The following USH2A variants were observed in gnomAD, a reference collection of about 807,000 sequenced individuals.
The protein encoded by USH2A is usherin.
A neutral mutation model predicts 538.9 loss-of-function variants in USH2A; 443 were observed. The ratio of observed to expected loss-of-function variants is 0.82; its 90% CI spans 0.76 to 0.89. The LOEUF (loss-of-function observed/expected upper bound fraction) is 0.89. USH2A is among the 40% of genes least tolerant of loss of function. The pLI is 0.00. For synonymous variants in USH2A, 2,413 were observed against 2,273.5 expected, an observed-to-expected ratio of 1.06 and a Z score of -1.75; for missense variants, 6,633 against 6,324.8, an observed-to-expected ratio of 1.05 and a Z score of -1.65.
chr1:215,920,094 T>G lies in USH2A; in HGVS notation c.7300+14522A>C, dbSNP rs552033196. Among the ~76,000 whole-genome samples, 549 of 148,564 alleles carry G rather than the reference T, an allele frequency of 3.7e-3. 20 individuals are homozygous for G. The East Asian group carries it at 0.064, about 17-fold the overall frequency. ...CTTCTTTGATAAATGAGAAAAAAAA[T>G]GTACATTTCAATTTCCTCAATGCTA... On this transcript the variant is annotated intron_variant, in intron 38 of 71. Transcript: ENST00000307340.
At chr1:216,005,678 A>C (rs2102487476) in intron 32 of USH2A, among the ~76,000 whole-genome samples, 1 of 152,284 alleles carries the variant, frequency 6.6e-6, no homozygotes, top group South Asian at 2.1e-4. Flanking sequence ...TGTAAGACAA[A>C]GGAGATTTAC....
chr1:215,627,485 T>TTTCCTTCCTTCCTTCC (rs1462172191), intron 71 of USH2A, among the ~76,000 whole-genome samples: 2 of 94,508 alleles, frequency 2.1e-5, no homozygotes, highest in Admixed American at 1.0e-4. Flanking sequence ...TCCTTCCTTC[T>TTTCCTTCCTTCCTTCC]TTCCTTCCTT....
intron 61 of USH2A, among the ~76,000 whole-genome samples, chr1:215,704,493 T>C (rs1421820157): frequency 6.6e-6 from 1 of 152,148 alleles, no homozygotes; most frequent in African/African-American, 2.4e-5. Context: ...GCTCTAACTT[T>C]CCTAATTTAA....
At chr1:216,062,740 G>C (rs1306822544) in intron 30 of USH2A, among the ~76,000 whole-genome samples, 2 of 152,134 alleles carry the variant, frequency 1.3e-5, no homozygotes, top group Non-Finnish European at 2.9e-5. Context: ...TACAAGCCGT[G>C]TTCTGAACTA....
At chr1:216,368,113 C>T (rs895940926) in intron 3 of USH2A, among the ~76,000 whole-genome samples, 1 of 152,042 alleles carries the variant, frequency 6.6e-6, no homozygotes, top group Non-Finnish European at 1.5e-5. Flanking sequence ...TCTTCATTCT[C>T]TTCAGTTTCA....
Position 215,680,353 on chromosome 1 carries a change from C to A in USH2A, c.12090G>T (p.Leu4030=). The change falls in exon 62 of 72, where the codon CTG becomes CTT. Residue 4030 remains leucine, a synonymous_variant. Transcript: ENST00000307340. ...ATGTTGTGAATGGTTCTAACCCGTA[C>A]AGGTGGGCTTGATGGCTTGTTCCCT... The part of the protein sequence containing the change: ...TVKGTSHQAH[L]YGLEPFTTYR... 6.2e-7 allele frequency: 1 copy of A among 1,613,926 alleles called. No homozygotes were observed. Among genetic ancestry groups the A allele is most frequent in the East Asian group, 2.2e-5 (1 of 44,876 alleles).
At chr1:216,073,784 T>C (rs577519023) in intron 27 of USH2A, among the ~76,000 whole-genome samples, 54 of 152,354 alleles carry the variant, frequency 3.5e-4, no homozygotes, top group African/African-American at 1.1e-3. Flanking sequence ...TTATGTAGAA[T>C]ACCAGGAGAG....
chr1:216,346,086 CT>C lies in USH2A; in HGVS notation c.785-18433del, dbSNP rs767400366. Among the ~76,000 whole-genome samples, 15 of 152,166 alleles carry C rather than the reference CT, an allele frequency of 9.9e-5. 1 individual carries two copies. Among genetic ancestry groups the C allele is most frequent in the Admixed American group, 3.9e-4 (6 of 15,254 alleles). ...ATGCGCATGAACATTTGTTGATTCT[CT>C]TCCCCTCAATGGTCTGTCTTGAATT... On this transcript the variant is annotated intron_variant, in intron 4 of 71. Coordinates refer to ENST00000307340, the MANE Select transcript of USH2A (RefSeq NM_206933.4).
chr1:215,672,428 T>C (rs976088122), intron 63 of USH2A, among the ~76,000 whole-genome samples: 4 of 152,120 alleles, frequency 2.6e-5, no homozygotes, highest in African/African-American at 9.7e-5. Context: ...CTTCTCCTCC[T>C]CCCCTGGTTC....
intron 46 of USH2A, among the ~76,000 whole-genome samples, chr1:215,839,465 G>A (rs956561115): frequency 6.6e-6 from 1 of 152,154 alleles, no homozygotes; most frequent in African/African-American, 2.4e-5. Context: ...GGATATCTGA[G>A]TTGTTCTCCA....
rs148924565 is a variant in USH2A at position 216,004,477 on chromosome 1, C to A, written c.6326-3915G>T. 4.8e-3 allele frequency among the ~76,000 whole-genome samples: 733 copies of A among 152,170 alleles called. 7 individuals carry two copies. Among genetic ancestry groups the A allele is most frequent in the African/African-American group, 0.016 (685 of 41,522 alleles). ...AATAAGATGAGAATTAAAAATCGGC[C>A]ATCGGGTATAACAATATGGCAGTCA... On this transcript the variant is annotated intron_variant, in intron 32 of 71. Transcript: ENST00000307340.
intron 11 of USH2A, among the ~76,000 whole-genome samples, chr1:216,267,172 A>G (rs2036489533): frequency 6.6e-6 from 1 of 152,080 alleles, no homozygotes; most frequent in South Asian, 2.1e-4. Context: ...TATGGGAGGA[A>G]AACCCGGAGA....
intron 34 of USH2A, among the ~76,000 whole-genome samples, chr1:215,997,010 T>A (rs532520249): frequency 6.6e-6 from 1 of 152,256 alleles, no homozygotes; most frequent in Non-Finnish European, 1.5e-5. Flanking sequence ...TAAAGGCAAC[T>A]CCACTTTGCT....
intron 60 of USH2A, among the ~76,000 whole-genome samples, chr1:215,730,708 C>T (rs1293680942): frequency 6.6e-6 from 1 of 152,156 alleles, no homozygotes; most frequent in East Asian, 1.9e-4. Flanking sequence ...ATCACGATGA[C>T]CTAAGTATGA....
chr1:215,935,313 A>T (rs1666465554), intron 37 of USH2A, among the ~76,000 whole-genome samples: 1 of 151,962 alleles, frequency 6.6e-6, no homozygotes, highest in Non-Finnish European at 1.5e-5. Flanking sequence ...TTTTCTGTTC[A>T]CTTTGCTTGA....
intron 61 of USH2A, among the ~76,000 whole-genome samples, chr1:215,688,914 A>G (rs1438916836): frequency 1.3e-5 from 2 of 152,078 alleles, no homozygotes; most frequent in Non-Finnish European, 2.9e-5. Context: ...GCTTTTGCTG[A>G]AGGCCAGGAA....
At position 215,728,176 on chromosome 1, in the gene USH2A, G is replaced by A; in HGVS notation, c.11920C>T (p.Gln3974Ter). ...PPQDFPAPWAQATSAHSVLLN... is the reference protein window; with the variant it reads ...PPQDFPAPWA Reference sequence around the variant, plus strand: ...AGAACTGAATGAGCACTCGTGGCTTGAGCCCAAGGAGCTGGAAAATCTTGA... The same window carrying A: ...AGAACTGAATGAGCACTCGTGGCTTAAGCCCAAGGAGCTGGAAAATCTTGA... Residue 3974 changes from glutamine (Q) to a stop codon, truncating the protein, a stop_gained, in exon 61 of 72, where the codon CAA becomes TAA. Transcript: ENST00000307340. LOFTEE classifies it high-confidence loss of function. The A allele has an allele frequency of 6.2e-7, 1 of 1,614,118 alleles. No homozygotes were observed. The highest frequency in any genetic ancestry group is 8.5e-7 in the Non-Finnish European group (1 of 1,180,040).
intron 20 of USH2A, among the ~76,000 whole-genome samples, chr1:216,186,785 A>T (rs1408414943): frequency 6.6e-6 from 1 of 151,700 alleles, no homozygotes; most frequent in Non-Finnish European, 1.5e-5. Context: ...TTCCCCTTTT[A>T]TTTAATGGCA....
At chr1:216,261,095 T>C (rs1426315372) in intron 11 of USH2A, among the ~76,000 whole-genome samples, 2 of 152,018 alleles carry the variant, frequency 1.3e-5, no homozygotes, top group East Asian at 3.9e-4. Context: ...AAATATACAA[T>C]GTGAATGACA....
Sources: allele counts gnomAD v4.1 joint callset (sites outside exome capture counted in the v4.1 genomes callset), GRCh38; gene constraint gnomAD v4.1.1; transcripts MANE v1.5; gene names NCBI Gene and HGNC (gene_info 2026-07-23, HGNC 2026-07-21).